Variants in GREB1L observed in about 807,000 individuals in gnomAD.
The protein encoded by GREB1L is GREB1-like protein.
Under a neutral mutation model 200.8 loss-of-function variants are expected in GREB1L, and 17 were observed. The ratio of observed to expected loss-of-function variants is 0.08; its 90% CI spans 0.06 to 0.13. The LOEUF (loss-of-function observed/expected upper bound fraction) is 0.13. Among genes scored for constraint, GREB1L ranks in the 10% least tolerant of loss-of-function variants. GREB1L has a pLI of 1.00. For missense variants in GREB1L, 1,657 were observed against 2,367.7 expected, an observed-to-expected ratio of 0.70 and a Z score of 6.23; for synonymous variants, 789 against 893.0, an observed-to-expected ratio of 0.88 and a Z score of 2.08.
intron 1 of GREB1L, among the ~76,000 whole-genome samples, chr18:21,348,115 T>C (rs1313863618): frequency 6.6e-6 from 1 of 151,722 alleles, no homozygotes; most frequent in East Asian, 2.0e-4. Flanking sequence ...CGGCTAATTT[T>C]TTTGTATTTT....
intron 1 of GREB1L, among the ~76,000 whole-genome samples, chr18:21,339,186 C>CA (rs573565894): frequency 0.041 from 4,790 of 117,400 alleles, 96 homozygotes; most frequent in Middle Eastern, 0.063. Flanking sequence ...GACTCCATCT[C>CA]AAAAAAAAAA....
chr18:21,382,871 T>C (rs1019972820), intron 2 of GREB1L, among the ~76,000 whole-genome samples: 1 of 152,138 alleles, frequency 6.6e-6, no homozygotes, highest in Non-Finnish European at 1.5e-5. Context: ...GACTTCAAAG[T>C]TTTTTGCCAT....
chr18:21,513,593 C>T (rs527581682), intron 27 of GREB1L, among the ~76,000 whole-genome samples: 2 of 152,192 alleles, frequency 1.3e-5, no homozygotes, highest in Admixed American at 1.3e-4. Context: ...TTACACCATA[C>T]CGACTCAAAT....
At chr18:21,508,740 T>G in intron 27 of GREB1L, 149 bp downstream of exon 27, 1 of 678,976 alleles carries the variant, frequency 1.5e-6, no homozygotes, top group Non-Finnish European at 2.5e-6. Context: ...AAAAGCTTTT[T>G]GACTCTCCCT....
intron 7 of GREB1L, among the ~76,000 whole-genome samples, chr18:21,413,374 C>A (rs957766023): frequency 6.6e-6 from 1 of 152,180 alleles, no homozygotes; most frequent in Non-Finnish European, 1.5e-5. Flanking sequence ...CGCTTTGTGT[C>A]CTCCTTTGGG....
chr18:21,279,727 A>G (rs2038235804), intron 1 of GREB1L, among the ~76,000 whole-genome samples: 1 of 152,074 alleles, frequency 6.6e-6, no homozygotes, highest in African/African-American at 2.4e-5. Flanking sequence ...ATCACGCACC[A>G]CACAAACTCC....
At chr18:21,498,645 G>A (rs2036651088) in intron 21 of GREB1L, among the ~76,000 whole-genome samples, 1 of 152,158 alleles carries the variant, frequency 6.6e-6, no homozygotes, top group African/African-American at 2.4e-5. Flanking sequence ...TCACAAAGGT[G>A]GTTTGCCCTT....
At chr18:21,423,691 G>T (rs2032340084) in intron 7 of GREB1L, among the ~76,000 whole-genome samples, 1 of 151,990 alleles carries the variant, frequency 6.6e-6, no homozygotes, top group South Asian at 2.1e-4. Context: ...GAGACCTCCT[G>T]TCTGCAAAAA....
At chr18:21,436,214 G>A (rs573041379) in intron 7 of GREB1L, among the ~76,000 whole-genome samples, 1 of 152,306 alleles carries the variant, frequency 6.6e-6, no homozygotes, top group African/African-American at 2.4e-5. Flanking sequence ...CTGTTCAACA[G>A]CCATTTAATT....
chr18:21,302,857 G>A (rs186862373), intron 1 of GREB1L, among the ~76,000 whole-genome samples: 1 of 152,254 alleles, frequency 6.6e-6, no homozygotes, highest in Admixed American at 6.5e-5. Flanking sequence ...GAGTAGCTGG[G>A]ACTACAGTCA....
At chr18:21,270,388 G>A (rs2038059321) in intron 1 of GREB1L, among the ~76,000 whole-genome samples, 1 of 152,192 alleles carries the variant, frequency 6.6e-6, no homozygotes. Context: ...GAGAATCATG[G>A]GGAAGGTGGA....
At chr18:21,355,618 T>C (rs972857795) in intron 1 of GREB1L, among the ~76,000 whole-genome samples, 2 of 152,044 alleles carry the variant, frequency 1.3e-5, no homozygotes, top group Non-Finnish European at 2.9e-5. Flanking sequence ...ATTTAGGAAA[T>C]TGAGAAGCAG....
At chr18:21,314,788 G>A (rs544314499) in intron 1 of GREB1L, among the ~76,000 whole-genome samples, 6 of 152,276 alleles carry the variant, frequency 3.9e-5, no homozygotes, top group Admixed American at 1.3e-4. Context: ...AATGAGCATG[G>A]CTGTGCTCCA....
chr18:21,257,287 T>G (rs540245235), intron 1 of GREB1L, among the ~76,000 whole-genome samples: 1 of 152,238 alleles, frequency 6.6e-6, no homozygotes, highest in African/African-American at 2.4e-5. Flanking sequence ...ACGCTTAGTT[T>G]TAAGCGTTTG....
chr18:21,526,098 T>C lies in GREB1L; in HGVS notation c.*3277T>C, dbSNP rs2037682963. 6.6e-6 allele frequency among the ~76,000 whole-genome samples: 1 copy of C among 152,024 alleles called. No individual in the cohort carries two copies. Among genetic ancestry groups the C allele is most frequent in the African/African-American group, 2.4e-5 (1 of 41,346 alleles). The stretch of plus-strand genomic sequence containing the variant: ...TGAAACAACATCCAGAGAACGAACA[T>C]TTATCAAGCTTCTCTTTAGACACAG... On this transcript the variant is annotated 3_prime_UTR_variant, in exon 33 of 33. Transcript: ENST00000424526.
At chr18:21,367,948 A>T (rs770169499) in intron 2 of GREB1L, among the ~76,000 whole-genome samples, 5 of 152,216 alleles carry the variant, frequency 3.3e-5, no homozygotes, top group Non-Finnish European at 7.3e-5. Flanking sequence ...TAGCCACCTG[A>T]CAGGTTATGA....
At chr18:21,361,610 T>G (rs532818656) in intron 1 of GREB1L, among the ~76,000 whole-genome samples, 1 of 152,272 alleles carries the variant, frequency 6.6e-6, no homozygotes, top group Admixed American at 6.5e-5. Flanking sequence ...CTGACAGGGT[T>G]TTGAAGTGCA....
chr18:21,429,425 C>G (rs188934281), intron 7 of GREB1L, among the ~76,000 whole-genome samples: 1 of 151,132 alleles, frequency 6.6e-6, no homozygotes, highest in East Asian at 2.0e-4. Flanking sequence ...TCACTGTAGC[C>G]TCAAACTTCC....
intron 1 of GREB1L, among the ~76,000 whole-genome samples, chr18:21,325,406 T>C (rs2039007289): frequency 1.3e-5 from 2 of 152,126 alleles, no homozygotes; most frequent in Non-Finnish European, 2.9e-5. Flanking sequence ...CCAACAGAAA[T>C]TGAACTGAAT....
Sources: gnomAD v4.1 joint callset for allele counts (sites outside exome capture counted in the v4.1 genomes callset) on GRCh38, gnomAD v4.1.1 for gene constraint, MANE v1.5 for transcripts, NCBI Gene and HGNC (gene_info 2026-07-23, HGNC 2026-07-21) for gene names.